The following FAM184B variants were observed in gnomAD, a reference collection of about 807,000 sequenced individuals.
FAM184B encodes the protein family with sequence similarity 184 member B, also known as protein FAM184B.
Under a neutral mutation model 135.9 loss-of-function variants are expected in FAM184B, and 111 were observed. The observed-to-expected ratio is 0.82, with a 90% CI of 0.70 to 0.96. The LOEUF is 0.96. Among genes scored for constraint, FAM184B ranks in the 40% least tolerant of loss-of-function variants. The probability of loss-of-function intolerance (pLI) is 0.00; values close to 1 mark genes in which losing one functional copy is unlikely to be tolerated. For missense variants in FAM184B, 1,375 were observed against 1,323.9 expected, an observed-to-expected ratio of 1.04 and a Z score of -0.60; for synonymous variants, 552 against 524.8, an observed-to-expected ratio of 1.05 and a Z score of -0.71.
Position 17,733,180 on chromosome 4 carries a change from C to T in FAM184B, c.142-23536G>A, listed in dbSNP as rs1255358381. 9.9e-4 allele frequency among the ~76,000 whole-genome samples: 151 copies of T among 152,110 alleles called. 3 individuals carry two copies. Among genetic ancestry groups the T allele is most frequent in the Non-Finnish European group, 3.2e-4 (22 of 67,964 alleles). The stretch of plus-strand genomic sequence containing the variant: ...CTCAATAAATTAGGTATTGATGGGA[C>T]GTATCTCAAAATAATAAGAGCTATC... On this transcript the variant is annotated intron_variant, in intron 1 of 17. Coordinates refer to ENST00000265018, the MANE Select transcript of FAM184B (RefSeq NM_015688.2).
intron 1 of FAM184B, among the ~76,000 whole-genome samples, chr4:17,778,694 T>A (rs944707497): frequency 4.6e-5 from 7 of 152,166 alleles, no homozygotes; most frequent in East Asian, 3.9e-4. Context: ...CTACAAAAAA[T>A]TTTTGAAAAA....
chr4:17,708,771 T>A, intron 2 of FAM184B, 121 bp downstream of exon 2: 1 of 937,088 alleles, frequency 1.1e-6, no homozygotes, highest in Non-Finnish European at 1.5e-6. Context: ...TCAATGGAGA[T>A]AATAGGGCTC....
chr4:17,748,059 G>T (rs1231650636), intron 1 of FAM184B, among the ~76,000 whole-genome samples: 1 of 139,280 alleles, frequency 7.2e-6, no homozygotes, highest in East Asian at 2.1e-4. Flanking sequence ...AGCAGAGATC[G>T]CGCCACTCCA....
chr4:17,653,930 G>GAGAGAGAGAGAGGGAGAGGGTGGGA (rs1402544369), intron 10 of FAM184B, among the ~76,000 whole-genome samples: 1 of 135,778 alleles, frequency 7.4e-6, no homozygotes, highest in African/African-American at 2.7e-5. Context: ...GGGAGGGGGA[G>GAGAGAGAGAGAGGGAGAGGGTGGGA]GGGGATTTGA....
Position 17,673,259 on chromosome 4 carries a change from A to G in FAM184B, c.1597-8600T>C, listed in dbSNP as rs541946908. On this transcript the variant is annotated intron_variant, in intron 7 of 17. Coordinates refer to ENST00000265018, the MANE Select transcript of FAM184B (RefSeq NM_015688.2). The stretch of plus-strand genomic sequence containing the variant: ...CTTATTCCTGCAAGAATGGCCATTA[A>G]AAAAATAGATATTGGTATAGATGCA... Among the ~76,000 whole-genome samples the G allele has an allele frequency of 7.9e-5, 12 of 152,176 alleles. No homozygotes were observed. In the South Asian group the frequency reaches 2.3e-3, roughly 29 times the overall value.
intron 1 of FAM184B, among the ~76,000 whole-genome samples, chr4:17,715,087 A>G (rs13116680): frequency 0.67 from 102,574 of 151,966 alleles, 36,113 homozygotes; most frequent in Non-Finnish European, 0.79. Context: ...ACATATTTTC[A>G]CCGTCTTTTA....
rs539739562 is a variant in FAM184B, at chr4:17,715,459, G to A, written c.142-5815C>T. 2.0e-5 allele frequency among the ~76,000 whole-genome samples: 3 copies of A among 152,168 alleles called. No individual in the cohort carries two copies. In the East Asian group the frequency reaches 5.8e-4, roughly 29 times the overall value. On this transcript the variant is annotated intron_variant, in intron 1 of 17. Coordinates refer to ENST00000265018, the MANE Select transcript of FAM184B (RefSeq NM_015688.2). ...CACTGTCACTCTAGCCTGGGTGATA[G>A]AGTGACACTCTATCTCAAAAAACAA...
chr4:17,658,607 C>T (rs1325225539), intron 9 of FAM184B, 45 bp from the exon 10 acceptor site: 2 of 1,524,808 alleles, frequency 1.3e-6, no homozygotes, highest in African/African-American at 1.4e-5. Flanking sequence ...CCTTGCCTTT[C>T]CTGGGATGTT....
intron 1 of FAM184B, among the ~76,000 whole-genome samples, chr4:17,735,796 G>A (rs201704446): frequency 6.6e-5 from 10 of 152,152 alleles, no homozygotes; most frequent in East Asian, 1.9e-4. Flanking sequence ...CATTACAACC[G>A]GAATAAATGC....
At chr4:17,653,378 A>T (rs879277320) in intron 10 of FAM184B, among the ~76,000 whole-genome samples, 16 of 152,276 alleles carry the variant, frequency 1.1e-4, no homozygotes, top group Non-Finnish European at 2.4e-4. Flanking sequence ...TAGTGTGGTG[A>T]TGGCTGCTGT....
intron 10 of FAM184B, among the ~76,000 whole-genome samples, chr4:17,654,476 C>T (rs1358637684): frequency 2.0e-5 from 3 of 152,190 alleles, no homozygotes; most frequent in African/African-American, 4.8e-5. Context: ...AGCCACCACG[C>T]CCCAGCACCC....
chr4:17,771,085 T>C (rs2108997553), intron 1 of FAM184B, among the ~76,000 whole-genome samples: 1 of 152,356 alleles, frequency 6.6e-6, no homozygotes, highest in East Asian at 1.9e-4. Context: ...GAATAATGTT[T>C]CTATGAACAT....
At chr4:17,771,333 C>T (rs1214137693) in intron 1 of FAM184B, among the ~76,000 whole-genome samples, 1 of 152,056 alleles carries the variant, frequency 6.6e-6, no homozygotes, top group Admixed American at 6.5e-5. Context: ...GTGGAGAGAC[C>T]AGAATGGTTA....
Position 17,642,790 on chromosome 4 carries a change from G to A in FAM184B, c.2347-562C>T, listed in dbSNP as rs144240329. ...GCCTGGTGTATTCTATAGGTGCCAC[G>A]TGAATGCTTGCTAAACAGAATTGTG... is the stretch of plus-strand genomic sequence containing the variant. On this transcript the variant is annotated intron_variant, in intron 12 of 17. Transcript: ENST00000265018. Among the ~76,000 whole-genome samples the A allele has an allele frequency of 4.5e-4, 68 of 152,318 alleles. No homozygotes were observed. The East Asian group carries it at 0.011, about 24-fold the overall frequency.
At chr4:17,762,658 T>A (rs1329571147) in intron 1 of FAM184B, among the ~76,000 whole-genome samples, 1 of 152,214 alleles carries the variant, frequency 6.6e-6, no homozygotes. Context: ...TCTCTGCTCA[T>A]GGAGTTGGAT....
chr4:17,656,516 C>T (rs1324716688), intron 10 of FAM184B, among the ~76,000 whole-genome samples: 1 of 152,128 alleles, frequency 6.6e-6, no homozygotes, highest in Non-Finnish European at 1.5e-5. Context: ...ATTCTCCTGC[C>T]TCAGCCTCCT....
chr4:17,640,678 G>A (rs1049775852), intron 13 of FAM184B, among the ~76,000 whole-genome samples: 3 of 152,058 alleles, frequency 2.0e-5, no homozygotes, highest in African/African-American at 4.8e-5. Context: ...TGAAATAGAC[G>A]AATTCTTTGA....
chr4:17,667,253 C>G (rs1716076456), intron 7 of FAM184B, among the ~76,000 whole-genome samples: 1 of 152,142 alleles, frequency 6.6e-6, no homozygotes, highest in South Asian at 2.1e-4. Flanking sequence ...AGCCACAGCA[C>G]CCACTCTTCC....
At chr4:17,687,521 C>G (rs1485118539) in intron 7 of FAM184B, among the ~76,000 whole-genome samples, 5 of 152,108 alleles carry the variant, frequency 3.3e-5, no homozygotes, top group African/African-American at 1.2e-4. Context: ...AGCCCCTGTA[C>G]CTATGAATGT....
Sources: allele counts gnomAD v4.1 joint callset (sites outside exome capture counted in the v4.1 genomes callset), GRCh38; gene constraint gnomAD v4.1.1; transcripts MANE v1.5; gene names NCBI Gene and HGNC (gene_info 2026-07-23, HGNC 2026-07-21).